RP1: variants seen among roughly 807,000 people sequenced by gnomAD.
RP1 encodes the protein oxygen-regulated protein 1.
In RP1, 16 loss-of-function variants were observed where a neutral mutation model predicts 14.8. That is an observed-to-expected ratio of 1.08 (90% CI 0.73 to 1.65). RP1 has a LOEUF of 1.65. RP1 is among the 40% of genes most tolerant of loss of function. The pLI is 0.00. For missense variants in RP1, 2,631 were observed against 2,535.0 expected, an observed-to-expected ratio of 1.04 and a Z score of -0.81; for synonymous variants, 876 against 883.6, an observed-to-expected ratio of 0.99 and a Z score of 0.15.
rs141074157 is a variant in RP1, at chr8:54,621,290, C to G, written c.324C>G (p.His108Gln). 6.2e-7 allele frequency: 1 copy of G among 1,613,830 alleles called. No individual in the cohort carries two copies. Among genetic ancestry groups the G allele is most frequent in the African/African-American group, 1.3e-5 (1 of 74,928 alleles). Residue 108 changes from histidine to glutamine, a missense_variant, in exon 2 of 4, where the codon CAC (histidine) becomes CAG (glutamine). By Grantham distance (24) the His-to-Gln change is conservative. Coordinates refer to ENST00000220676, the MANE Select transcript of RP1 (RefSeq NM_006269.2). ...ACGGCGAGTCCTACCTATGTTCCCA[C>G]GGCAGGAAGGTGCAGCCTGTAGACC... ...LEDGESYLCS[H>Q]GRKVQPVDLD... is the part of the protein sequence containing the mutation.
chr8:54,821,369 A>G (rs184511836), intron 24 of RP1, among the ~76,000 whole-genome samples: 78 of 152,082 alleles, frequency 5.1e-4, no homozygotes, highest in Non-Finnish European at 8.7e-4. Context: ...GTGGACATCC[A>G]AAAAAAACAG....
intron 24 of RP1, among the ~76,000 whole-genome samples, chr8:54,784,231 C>A (rs1810264441): frequency 6.6e-6 from 1 of 152,126 alleles, no homozygotes; most frequent in Non-Finnish European, 1.5e-5. Context: ...TTCTGTGCCT[C>A]ACTTTCCTCA....
At chr8:54,664,380 C>A (rs1806967674) in intron 7 of RP1, among the ~76,000 whole-genome samples, 1 of 152,082 alleles carries the variant, frequency 6.6e-6, no homozygotes, top group African/African-American at 2.4e-5. Context: ...TCTCTTTGAG[C>A]TCATCTTTTC....
At chr8:54,682,957 T>A (rs1346232291) in intron 12 of RP1, among the ~76,000 whole-genome samples, 1 of 152,234 alleles carries the variant, frequency 6.6e-6, no homozygotes, top group East Asian at 1.9e-4. Flanking sequence ...CTTTAATTCA[T>A]CTTGAGTTAA....
At chr8:54,634,679 A>G (rs576267737), downstream of RP1, among the ~76,000 whole-genome samples, 103 of 152,250 alleles carry the variant, frequency 6.8e-4, no homozygotes, top group Non-Finnish European at 1.1e-3. Context: ...GCAACAAAAC[A>G]GCAAACCTTC....
intron 24 of RP1, among the ~76,000 whole-genome samples, chr8:54,826,403 C>T (rs1811386878): frequency 6.6e-6 from 1 of 152,194 alleles, no homozygotes; most frequent in Admixed American, 6.5e-5. Context: ...TTCTGTCTAA[C>T]CACAGAAGTC....
At chr8:54,754,776 T>A (rs1456941732) in intron 19 of RP1, 1 of 1,480,276 alleles carries the variant, frequency 6.8e-7, no homozygotes, top group Non-Finnish European at 8.9e-7. Context: ...GATGACACAA[T>A]TTGGTCATTT....
At chr8:54,856,565 A>C (rs1433837861) in intron 26 of RP1, among the ~76,000 whole-genome samples, 2 of 152,202 alleles carry the variant, frequency 1.3e-5, no homozygotes, top group African/African-American at 4.8e-5. Flanking sequence ...TTGGCTCCTC[A>C]CACACTAGGT....
chr8:54,724,610 G>A (rs1333694841), intron 16 of RP1, among the ~76,000 whole-genome samples: 9 of 152,002 alleles, frequency 5.9e-5, no homozygotes, highest in Non-Finnish European at 4.4e-5. Context: ...TCAGACAAAG[G>A]GCTACTAAGG....
In RP1 at chr8:54,627,852, G is replaced by A; in HGVS notation, c.3970G>A (p.Glu1324Lys). Residue 1324 changes from glutamate to lysine, a missense_variant, in exon 4 of 4, where the codon GAG (glutamate) becomes AAG (lysine). Physicochemically the swap from Glu to Lys is moderately conservative, Grantham distance 56 (BLOSUM62 1). Coordinates refer to ENST00000220676, the MANE Select transcript of RP1 (RefSeq NM_006269.2). ...ACAQKENHTYEGACPIDETYV... is the reference protein window; with the variant it reads ...ACAQKENHTYKGACPIDETYV... ...TGCTCAAAAGGAGAACCATACCTAT[G>A]AGGGAGCTTGCCCAATTGATGAGAC... 1 of 1,614,146 alleles carries A rather than the reference G, an allele frequency of 6.2e-7. No homozygotes were observed. The highest frequency in any genetic ancestry group is 8.5e-7 in the Non-Finnish European group (1 of 1,179,968).
In RP1 at chr8:54,625,592, A is replaced by G. The variant is rs1806019688; in HGVS notation, c.1710A>G (p.Ile570Met). ...ATAATAATGGTTTGCCATCAACTAT[A>G]TCAAATAACTCAATTGTGGAGGAAG... ...MSHNNGLPST[I>M]SNNSIVEEDV... Residue 570 changes from isoleucine to methionine, a missense_variant, in exon 4 of 4, where the codon ATA (isoleucine) becomes ATG (methionine). By Grantham distance (10) the Ile-to-Met change is conservative. Coordinates refer to ENST00000220676, the MANE Select transcript of RP1 (RefSeq NM_006269.2). 1.2e-6 allele frequency: 2 copies of G among 1,614,148 alleles called. No homozygotes were observed. Among genetic ancestry groups the G allele is most frequent in the African/African-American group, 2.7e-5 (2 of 75,060 alleles).
Position 54,628,405 on chromosome 8 carries a change from A to G in RP1, c.4523A>G (p.Asp1508Gly), listed in dbSNP as rs751429007. The G allele has an allele frequency of 1.9e-6, 3 of 1,613,556 alleles. No homozygotes were observed. The South Asian group carries it at 3.3e-5, about 18-fold the overall frequency. Residue 1508 changes from aspartate to glycine, a missense_variant, in exon 4 of 4, where the codon GAC becomes GGC. Coordinates refer to ENST00000220676, the MANE Select transcript of RP1 (RefSeq NM_006269.2). ...GCTAGTAAAACTTTAGAATTGATAG[A>G]CATCTCTAGTAAGAATATTATGGAA... ...VEASKTLELI[D>G]ISSKNIMEEK... is the part of the protein sequence containing the mutation.
intron 24 of RP1, among the ~76,000 whole-genome samples, chr8:54,817,753 C>T (rs565725261): frequency 6.6e-6 from 1 of 152,236 alleles, no homozygotes; most frequent in South Asian, 2.1e-4. Flanking sequence ...ATTATTCCAT[C>T]TGTTAATTTT....
chr8:54,838,611 A>G (rs573267463), intron 25 of RP1, among the ~76,000 whole-genome samples: 1 of 152,122 alleles, frequency 6.6e-6, no homozygotes, highest in Non-Finnish European at 1.5e-5. Context: ...GCATGTGTGT[A>G]TATGTGTATG....
intron 3 of RP1, chr8:54,648,961 T>A: frequency 6.8e-7 from 1 of 1,475,456 alleles, no homozygotes; most frequent in South Asian, 1.4e-5. Context: ...GCCATAATGC[T>A]GTATGTTATT....
At chr8:54,857,228 A>C (rs1388459287) in intron 27 of RP1, 1 of 225,706 alleles carries the variant, frequency 4.4e-6, no homozygotes, top group East Asian at 8.3e-5. Context: ...AAATAATCTT[A>C]TTTTATATTA....
At chr8:54,791,962 G>C (rs1810474932) in intron 24 of RP1, among the ~76,000 whole-genome samples, 2 of 152,006 alleles carry the variant, frequency 1.3e-5, no homozygotes, top group African/African-American at 4.8e-5. Context: ...TGCCTATAGG[G>C]GACTCACTTT....
intron 22 of RP1, chr8:54,759,085 G>A: frequency 6.5e-7 from 1 of 1,530,624 alleles, no homozygotes; most frequent in Non-Finnish European, 8.7e-7. Flanking sequence ...AGGTAATGCT[G>A]GTCTCCAAGA....
intron 24 of RP1, among the ~76,000 whole-genome samples, chr8:54,823,529 C>G (rs143671766): frequency 6.6e-6 from 1 of 152,196 alleles, no homozygotes; most frequent in South Asian, 2.1e-4. Context: ...GGGGTTTCAC[C>G]ATGTTGACCT....
Sources: gnomAD v4.1 joint callset for allele counts (sites outside exome capture counted in the v4.1 genomes callset) on GRCh38, gnomAD v4.1.1 for gene constraint, MANE v1.5 for transcripts, NCBI Gene and HGNC (gene_info 2026-07-23, HGNC 2026-07-21) for gene names.